MAF: variants seen among roughly 807,000 people sequenced by gnomAD.
The protein encoded by MAF is transcription factor Maf.
Under a neutral mutation model 22.0 loss-of-function variants are expected in MAF, and 10 were observed. The observed-to-expected ratio is 0.45, with a 90% CI of 0.28 to 0.77. MAF has a LOEUF of 0.77. Among genes scored for constraint, MAF ranks in the 30% least tolerant of loss-of-function variants. The pLI, the probability that MAF is intolerant of heterozygous loss-of-function variation, is 0.12. For missense variants in MAF, 544 were observed against 548.4 expected (o/e 0.99, Z 0.08); for synonymous variants, 337 against 255.8 (o/e 1.32, Z -3.03).
chr16:79,208,240 C>G, the MAF span, among the ~76,000 whole-genome samples: 1 of 152,138 alleles, frequency 6.6e-6, no homozygotes, highest in Non-Finnish European at 1.5e-5. Flanking sequence ...TAAAAAGATT[C>G]TTCTGGGCTT....
chr16:79,553,341 C>G, the MAF span, among the ~76,000 whole-genome samples: 1 of 152,232 alleles, frequency 6.6e-6, no homozygotes, highest in Non-Finnish European at 1.5e-5. Flanking sequence ...GGAGCCTGGT[C>G]TCTCTGGACC....
chr16:79,458,210 T>A, the MAF span, among the ~76,000 whole-genome samples: 1 of 150,584 alleles, frequency 6.6e-6, no homozygotes, highest in Non-Finnish European at 1.5e-5. Context: ...CCAAATCACT[T>A]CTCTCCCTAA....
the MAF span, among the ~76,000 whole-genome samples, chr16:79,448,271 C>A: frequency 6.6e-6 from 1 of 152,104 alleles, no homozygotes; most frequent in African/African-American, 2.4e-5. Flanking sequence ...GCCATTCCAT[C>A]CTACAGCAAC....
At chr16:79,342,589 C>T in the MAF span, among the ~76,000 whole-genome samples, 2 of 151,944 alleles carry the variant, frequency 1.3e-5, no homozygotes, top group Non-Finnish European at 2.9e-5. Flanking sequence ...TCACTGTCAC[C>T]ATCACCATCA....
At chr16:79,509,076 C>T in the MAF span, among the ~76,000 whole-genome samples, 1 of 152,208 alleles carries the variant, frequency 6.6e-6, no homozygotes, top group South Asian at 2.1e-4. Context: ...CTCTAGTCTT[C>T]ATATTTATAT....
chr16:79,535,392 C>T, the MAF span, among the ~76,000 whole-genome samples: 1 of 150,960 alleles, frequency 6.6e-6, no homozygotes, highest in Non-Finnish European at 1.5e-5. Context: ...CCAGAAATCA[C>T]ACTTGCCACT....
the MAF span, among the ~76,000 whole-genome samples, chr16:79,471,823 A>G: frequency 6.6e-6 from 1 of 152,196 alleles, no homozygotes; most frequent in South Asian, 2.1e-4. Flanking sequence ...ATTGATCTGT[A>G]TTATCAAATT....
chr16:79,420,500 T>A, the MAF span, among the ~76,000 whole-genome samples: 3 of 151,992 alleles, frequency 2.0e-5, no homozygotes, highest in Non-Finnish European at 4.4e-5. Context: ...CACAGCAAAA[T>A]AGAACAAAAA....
At chr16:79,557,923 GGAAGTGA>G in the MAF span, among the ~76,000 whole-genome samples, 1 of 150,794 alleles carries the variant, frequency 6.6e-6, no homozygotes, top group African/African-American at 2.4e-5. Context: ...GACTCCTGAG[GGAAGTGA>G]CATTTAAGCC....
intron 1 of MAF, chr16:79,595,115 T>C: frequency 9.6e-7 from 1 of 1,038,130 alleles, no homozygotes; most frequent in Non-Finnish European, 1.2e-6. Flanking sequence ...ATCTCTTAGT[T>C]GTGATGAGGA....
At chr16:79,591,283 C>T (rs1913176298), downstream of MAF, among the ~76,000 whole-genome samples, 1 of 152,102 alleles carries the variant, frequency 6.6e-6, no homozygotes, top group Non-Finnish European at 1.5e-5. Flanking sequence ...GGGTGAGGGG[C>T]AGGTTGAGGA....
the MAF span, among the ~76,000 whole-genome samples, chr16:79,364,755 G>T: frequency 2.0e-5 from 3 of 152,326 alleles, no homozygotes; most frequent in South Asian, 2.1e-4. Context: ...TCAAGGCAGG[G>T]TCCTATGCCT....
At chr16:79,484,517 G>C in the MAF span, among the ~76,000 whole-genome samples, 1 of 152,212 alleles carries the variant, frequency 6.6e-6, no homozygotes, top group African/African-American at 2.4e-5. Context: ...ACTTTTCATA[G>C]TCTTTGGTCC....
chr16:79,250,244 C>A, the MAF span, among the ~76,000 whole-genome samples: 2 of 152,214 alleles, frequency 1.3e-5, no homozygotes, highest in African/African-American at 4.8e-5. Context: ...AAATATTTCT[C>A]AGGACTGTGT....
At chr16:79,306,043 T>A in the MAF span, among the ~76,000 whole-genome samples, 1 of 152,202 alleles carries the variant, frequency 6.6e-6, no homozygotes, top group Non-Finnish European at 1.5e-5. Flanking sequence ...TCTTATTCAA[T>A]TGACTGAGAC....
chr16:79,529,688 C>T, the MAF span, among the ~76,000 whole-genome samples: 11 of 152,118 alleles, frequency 7.2e-5, no homozygotes, highest in Admixed American at 2.0e-4. Flanking sequence ...AGGCTGGGCG[C>T]GGTGGCTCAC....
the MAF span, among the ~76,000 whole-genome samples, chr16:79,460,083 C>T: frequency 6.6e-6 from 1 of 152,096 alleles, no homozygotes; most frequent in Non-Finnish European, 1.5e-5. Flanking sequence ...ATTATTGCCT[C>T]AGAACAGATC....
the MAF span, among the ~76,000 whole-genome samples, chr16:79,551,708 T>G: frequency 6.6e-6 from 1 of 152,214 alleles, no homozygotes; most frequent in Non-Finnish European, 1.5e-5. Flanking sequence ...AAGAATAGTA[T>G]TTAATGACAC....
chr16:79,491,028 A>G, the MAF span, among the ~76,000 whole-genome samples: 3,177 of 152,322 alleles, frequency 0.021, 120 homozygotes, highest in African/African-American at 0.073. Context: ...GGTGATGAGA[A>G]TCAATAAATG....
Sources: allele counts gnomAD v4.1 joint callset (sites outside exome capture counted in the v4.1 genomes callset), GRCh38; gene constraint gnomAD v4.1.1; transcripts MANE v1.5; gene names NCBI Gene and HGNC (gene_info 2026-07-23, HGNC 2026-07-21).